The following TMEM130 variants were observed in gnomAD, a reference collection of about 807,000 sequenced individuals.
TMEM130 encodes the protein transmembrane protein 130.
A neutral mutation model predicts 42.9 loss-of-function variants in TMEM130; 37 were observed. That is an observed-to-expected ratio of 0.86 (90% CI 0.66 to 1.13). The LOEUF is 1.13. TMEM130 is among the 50% of genes most tolerant of loss of function. The pLI is 0.00. For missense variants in TMEM130, 545 were observed against 562.6 expected, an observed-to-expected ratio of 0.97 and a Z score of 0.32; for synonymous variants, 259 against 237.7, an observed-to-expected ratio of 1.09 and a Z score of -0.82.
Position 98,855,329 on chromosome 7 carries a change from A to G in TMEM130, c.719-5T>C, listed in dbSNP as rs1794603387. ...CTTGGATGCCTCGAAGGGTTTCTGT[A>G]AGGCAGAGAGAACCCCGTTAGACCT... On this transcript the variant is annotated splice_polypyrimidine_tract_variant and splice_region_variant and intron_variant, in intron 4 of 7. Transcript: ENST00000339375. 2.5e-6 allele frequency: 4 copies of G among 1,610,744 alleles called. No individual in the cohort carries two copies. The Admixed American group carries it at 5.0e-5, about 20-fold the overall frequency.
Position 98,869,749 on chromosome 7 carries a change from A to T in TMEM130, c.85+28T>A. On this transcript the variant is annotated intron_variant, in intron 1 of 7. Coordinates refer to ENST00000339375, the MANE Select transcript of TMEM130 (RefSeq NM_152913.3). The surrounding 1 kb of genome is among the most constrained non-coding windows in gnomAD (Gnocchi z 4.7). ...CAGGCCCCGGGCGGGCTGCGGCTGC[A>T]GGGAGGCCGGATTGCCCAGCGCCTT... The T allele has an allele frequency of 7.4e-7, 1 of 1,351,862 alleles. No individual in the cohort carries two copies. Among genetic ancestry groups the T allele is most frequent in the Admixed American group, 3.7e-5 (1 of 26,984 alleles). 83.7% of individuals were successfully genotyped at this position (1,351,862 alleles called of 1,614,324 possible). A position where few individuals can be genotyped will look rare whatever the true frequency, so the allele number is the denominator to read the frequency against.
chr7:98,851,899 C>T (rs966297467), intron 5 of TMEM130, among the ~76,000 whole-genome samples: 1 of 152,144 alleles, frequency 6.6e-6, no homozygotes, highest in African/African-American at 2.4e-5. Context: ...TGATGGCACA[C>T]ATGGTGTACC....
At chr7:98,849,174 G>T (rs1794432962) in intron 6 of TMEM130, among the ~76,000 whole-genome samples, 1 of 152,214 alleles carries the variant, frequency 6.6e-6, no homozygotes, top group South Asian at 2.1e-4. Flanking sequence ...TCTGGCAACT[G>T]CAGGCTCACC....
At chr7:98,848,231 TC>T in intron 7 of TMEM130, 23 bp from the exon 8 acceptor site, 1 of 1,613,488 alleles carries the variant, frequency 6.2e-7, no homozygotes, top group Non-Finnish European at 8.5e-7. Flanking sequence ...GGGGGAAAAG[TC>T]AAAATCAGCC....
chr7:98,864,349 G>A (rs1208120444), intron 1 of TMEM130, among the ~76,000 whole-genome samples: 2 of 151,508 alleles, frequency 1.3e-5, no homozygotes, highest in African/African-American at 2.4e-5. Flanking sequence ...GTGACTTGTA[G>A]GTCCAAGTCA....
chr7:98,866,437 G>A (rs181805330), intron 1 of TMEM130: 282 of 152,382 alleles, frequency 1.9e-3, no homozygotes, highest in Non-Finnish European at 3.5e-3. Context: ...TGTTCCCTGG[G>A]GGCTGGGGGT....
chr7:98,848,618 G>A lies in TMEM130; in HGVS notation c.1084C>T (p.Leu362=), dbSNP rs1247749648. The change falls in exon 7 of 8, where the codon CTG becomes TTG. Residue 362 remains leucine, a synonymous_variant. Coordinates refer to ENST00000339375, the MANE Select transcript of TMEM130 (RefSeq NM_152913.3). The part of the protein sequence containing the change: ...VMLAFIMYMT[L]RNATQQKDMV... ...TCCTTTTGCTGAGTGGCATTCCGCA[G>A]GGTCATGTACATGATGAAGGCCAAC... The A allele has an allele frequency of 1.6e-5, 26 of 1,613,902 alleles. No homozygotes were observed. The highest frequency in any genetic ancestry group is 2.7e-5 in the African/African-American group (2 of 74,904).
chr7:98,854,683 G>T (rs1191650998), intron 5 of TMEM130, among the ~76,000 whole-genome samples: 1 of 152,214 alleles, frequency 6.6e-6, no homozygotes, highest in Non-Finnish European at 1.5e-5. Flanking sequence ...GCTACATTGA[G>T]CTGTGATGGT....
rs150409596 is a variant in TMEM130, at chr7:98,848,077, A to T, written c.1251T>A (p.Ser417=). The T allele has an allele frequency of 1.2e-6, 2 of 1,613,812 alleles. No individual in the cohort carries two copies. Among genetic ancestry groups the T allele is most frequent in the Non-Finnish European group, 1.7e-6 (2 of 1,179,954 alleles). The change falls in exon 8 of 8, where the codon TCT becomes TCA. Residue 417 remains serine, a synonymous_variant. Coordinates refer to ENST00000339375, the MANE Select transcript of TMEM130 (RefSeq NM_152913.3). ...NHGLLPPLYK[S]VKTYTV The stretch of plus-strand genomic sequence containing the variant: ...GTGCTCACACGGTGTAAGTTTTGAC[A>T]GACTTATAGAGGGGCGGGAGCAGCC...
chr7:98,869,940 C>T lies in TMEM130; in HGVS notation c.-79G>A. ...GAGCTCGAGAACTGCGGCGGTCGCT[C>T]CTCCGGGCGCGCAGCGCGGGCGGTG... On this transcript the variant is annotated 5_prime_UTR_variant, in exon 1 of 8. Transcript: ENST00000339375. This position sits in a 1 kb window ranked among gnomAD's most constrained non-coding sequence, Gnocchi z 4.7. 2 of 1,050,864 alleles carry T rather than the reference C, an allele frequency of 1.9e-6. No individual in the cohort carries two copies. Among genetic ancestry groups the T allele is most frequent in the Non-Finnish European group, 1.2e-6 (1 of 816,624 alleles). The allele number at this position is 1,050,864 out of a possible 1,614,324, so 65.1% of individuals were successfully genotyped here. A position where few individuals can be genotyped will look rare whatever the true frequency, so the allele number is the denominator to read the frequency against.
intron 2 of TMEM130, among the ~76,000 whole-genome samples, chr7:98,861,701 G>A (rs1794775069): frequency 6.6e-6 from 1 of 152,154 alleles, no homozygotes; most frequent in South Asian, 2.1e-4. Flanking sequence ...AACAGAAGGA[G>A]ACTCTGACTC....
intron 5 of TMEM130, among the ~76,000 whole-genome samples, chr7:98,854,043 T>G (rs782139632): frequency 0.11 from 396 of 3,668 alleles, 2 homozygotes; most frequent in Non-Finnish European, 0.21. Context: ...TTTTTTTTTG[T>G]TTTTTTTTTT....
Position 98,851,555 on chromosome 7 carries a change from G to A in TMEM130, c.872C>T (p.Pro291Leu), listed in dbSNP as rs781978890. The stretch of plus-strand genomic sequence containing the variant: ...GTACGCTGTGCTGGCCACGGACACA[G>A]GGTGGCACTCCCCTTCCTCCAGCGG... ...CLPLEEGECH[P>L]VSVASTAYNL... The change falls in exon 6 of 8, where the codon CCT becomes CTT. Residue 291 changes from proline to leucine, a missense_variant. Transcript: ENST00000339375. The A allele has an allele frequency of 6.2e-6, 10 of 1,614,084 alleles. No homozygotes were observed. The highest frequency in any genetic ancestry group is 8.5e-6 in the Non-Finnish European group (10 of 1,179,984).
At chr7:98,861,203 T>C (rs1554399745) in intron 2 of TMEM130, among the ~76,000 whole-genome samples, 1 of 151,618 alleles carries the variant, frequency 6.6e-6, no homozygotes, top group Non-Finnish European at 1.5e-5. Flanking sequence ...CCAGGCATGG[T>C]AGCGGGCACC....
chr7:98,848,514 C>T (rs1794415096), intron 7 of TMEM130, 69 bp downstream of exon 7: 3 of 1,160,602 alleles, frequency 2.6e-6, no homozygotes, highest in African/African-American at 1.5e-5. Flanking sequence ...GCCTGGCCCC[C>T]ATACCCTCTC....
Position 98,869,894 on chromosome 7 carries a change from G to A in TMEM130, c.-33C>T. ...CCCGGAGCGGGAGAAGCGTGGGGCG[G>A]ACGCGGAGGGAATGCAGCTGGAGCT... On this transcript the variant is annotated 5_prime_UTR_variant, in exon 1 of 8. Transcript: ENST00000339375. This position sits in a 1 kb window ranked among gnomAD's most constrained non-coding sequence, Gnocchi z 4.7. 3 of 1,301,322 alleles carry A rather than the reference G, an allele frequency of 2.3e-6. No individual in the cohort carries two copies. Among genetic ancestry groups the A allele is most frequent in the East Asian group, 3.1e-5 (1 of 31,914 alleles). 80.6% of individuals were successfully genotyped at this position (1,301,322 alleles called of 1,614,324 possible).
chr7:98,849,349 C>T (rs1554397876), intron 6 of TMEM130, among the ~76,000 whole-genome samples: 1 of 152,138 alleles, frequency 6.6e-6, no homozygotes, highest in African/African-American at 2.4e-5. Flanking sequence ...ATGTGTGTGG[C>T]ATGTGGTAGG....
intron 6 of TMEM130, among the ~76,000 whole-genome samples, chr7:98,850,273 A>ATATTTTTTTTTTTTTTTTTTT: frequency 1.4e-4 from 5 of 35,468 alleles, no homozygotes; most frequent in Admixed American, 4.3e-4. Context: ...ATATATATAT[A>ATATTTTTTTTTTTTTTTTTTT]TTTTTTTTTT....
rs782173790 is a variant in TMEM130 at position 98,855,241 on chromosome 7, T to TC, written c.801dup (p.Ser268GlufsTer13). On this transcript the variant is annotated frameshift_variant and splice_region_variant, in exon 5 of 8. Coordinates refer to ENST00000339375, the MANE Select transcript of TMEM130 (RefSeq NM_152913.3). LOFTEE classifies it high-confidence loss of function. ...CAGTGCGCTCTGGAGCTCACTTACC[T>TC]CCCCAGGAAGTTCAAGGTCACGGTC... is the stretch of plus-strand genomic sequence containing the variant. 4 of 1,612,748 alleles carry TC rather than the reference T, an allele frequency of 2.5e-6. No individual in the cohort carries two copies. The highest frequency in any genetic ancestry group is 1.7e-5 in the Admixed American group (1 of 59,860).
Sources: gnomAD v4.1 joint callset for allele counts (sites outside exome capture counted in the v4.1 genomes callset) on GRCh38, gnomAD v4.1.1 for gene constraint, Gnocchi (gnomAD v3.1) non-coding constraint, MANE v1.5 for transcripts, NCBI Gene and HGNC (gene_info 2026-07-23, HGNC 2026-07-21) for gene names.